The following ZCCHC7 variants were observed in gnomAD, a reference collection of about 807,000 sequenced individuals.
ZCCHC7 encodes the protein zinc finger CCHC-type containing 7, also known as zinc finger CCHC domain-containing protein 7.
Under a neutral mutation model 52.0 loss-of-function variants are expected in ZCCHC7, and 35 were observed. The ratio of observed to expected loss-of-function variants is 0.67; its 90% confidence interval spans 0.51 to 0.89. The LOEUF (loss-of-function observed/expected upper bound fraction) is 0.89. Among genes scored for constraint, ZCCHC7 ranks in the 40% least tolerant of loss-of-function variants. The pLI is 0.00. For missense variants in ZCCHC7, 574 were observed against 649.1 expected, an observed-to-expected ratio of 0.88 and a Z score of 1.26; for synonymous variants, 217 against 221.5, an observed-to-expected ratio of 0.98 and a Z score of 0.18.
At chr9:37,184,847 T>C (rs1167981462) in intron 2 of ZCCHC7, among the ~76,000 whole-genome samples, 1 of 152,154 alleles carries the variant, frequency 6.6e-6, no homozygotes, top group Admixed American at 6.6e-5. Context: ...TGAAAGGCAT[T>C]GTTTTTACGT....
chr9:37,322,964 G>A (rs759778951), intron 5 of ZCCHC7, among the ~76,000 whole-genome samples: 1 of 152,176 alleles, frequency 6.6e-6, no homozygotes, highest in Non-Finnish European at 1.5e-5. Context: ...AGTTAATACA[G>A]TGGAGCACTT....
chr9:37,311,254 C>T (rs78052087), intron 5 of ZCCHC7, among the ~76,000 whole-genome samples: 7,693 of 152,078 alleles, frequency 0.051, 637 homozygotes, highest in African/African-American at 0.17. Flanking sequence ...AATCAAAACC[C>T]AAACCTCCTA....
chr9:37,157,344 T>A (rs1820870377), intron 2 of ZCCHC7, among the ~76,000 whole-genome samples: 1 of 151,516 alleles, frequency 6.6e-6, no homozygotes, highest in Admixed American at 6.6e-5. Flanking sequence ...AAAAAGAAAA[T>A]TATCCAGGTG....
intron 2 of ZCCHC7, among the ~76,000 whole-genome samples, chr9:37,178,487 AAG>A (rs963004278): frequency 7.2e-5 from 11 of 152,010 alleles, no homozygotes; most frequent in African/African-American, 2.4e-4. Context: ...AGAAAGTAGA[AAG>A]AGAGGAAAGG....
intron 2 of ZCCHC7, among the ~76,000 whole-genome samples, chr9:37,167,015 A>C (rs556672525): frequency 1.8e-4 from 28 of 152,322 alleles, no homozygotes; most frequent in African/African-American, 6.5e-4. Flanking sequence ...TTTAAAGGTC[A>C]GATTTTGGAA....
chr9:37,179,661 C>T (rs971924734), intron 2 of ZCCHC7, among the ~76,000 whole-genome samples: 1 of 151,980 alleles, frequency 6.6e-6, no homozygotes, highest in African/African-American at 2.4e-5. Flanking sequence ...TGATGGCTGT[C>T]GAGTATAAAC....
At chr9:37,136,469 G>T (rs2132742802) in intron 2 of ZCCHC7, among the ~76,000 whole-genome samples, 2 of 150,878 alleles carry the variant, frequency 1.3e-5, no homozygotes, top group Admixed American at 6.6e-5. Context: ...TGCCCCACCT[G>T]CAATCTCTCT....
In ZCCHC7 at chr9:37,357,316, T is replaced by G; in HGVS notation, c.*48T>G. ...GGCTTTTCATTGTTCATTTGGCCTT[T>G]GTGTCTATAACCTTCTGGCACTGTG... On this transcript the variant is annotated 3_prime_UTR_variant, in exon 9 of 9. Transcript: ENST00000336755. 6.6e-7 allele frequency: 1 copy of G among 1,516,454 alleles called. No homozygotes were observed. The highest frequency in any genetic ancestry group is 1.4e-5 in the African/African-American group (1 of 71,652). 93.9% of individuals were successfully genotyped at this position (1,516,454 alleles called of 1,614,324 possible).
chr9:37,337,992 A>G (rs1421589020), intron 6 of ZCCHC7, among the ~76,000 whole-genome samples: 1 of 152,198 alleles, frequency 6.6e-6, no homozygotes, highest in African/African-American at 2.4e-5. Context: ...ACATTTTTGC[A>G]TTCCATGTAA....
chr9:37,356,251 C>T (rs1011877887), intron 8 of ZCCHC7, among the ~76,000 whole-genome samples: 1 of 151,724 alleles, frequency 6.6e-6, no homozygotes, highest in African/African-American at 2.4e-5. Flanking sequence ...CCGTATTAAG[C>T]GTGTCAAGCT....
intron 2 of ZCCHC7, among the ~76,000 whole-genome samples, chr9:37,289,805 C>T (rs933508707): frequency 1.7e-4 from 26 of 152,214 alleles, no homozygotes; most frequent in African/African-American, 6.3e-4. Context: ...TCATTTTCTG[C>T]ACTCTAGCCA....
At chr9:37,296,402 CT>C (rs989264162) in intron 2 of ZCCHC7, among the ~76,000 whole-genome samples, 6 of 152,058 alleles carry the variant, frequency 3.9e-5, no homozygotes, top group Admixed American at 2.6e-4. Flanking sequence ...TATTTACAAC[CT>C]TTTCTACTTT....
intron 5 of ZCCHC7, among the ~76,000 whole-genome samples, chr9:37,306,071 A>G (rs1283324458): frequency 1.3e-5 from 2 of 151,906 alleles, no homozygotes; most frequent in East Asian, 1.9e-4. Context: ...TTATTTATTT[A>G]TTTATTTATT....
At chr9:37,185,379 GC>G (rs1458034734) in intron 2 of ZCCHC7, among the ~76,000 whole-genome samples, 1 of 152,170 alleles carries the variant, frequency 6.6e-6, no homozygotes, top group Non-Finnish European at 1.5e-5. Flanking sequence ...ACAATTTAGA[GC>G]CTTTAAATAA....
chr9:37,213,809 G>T (rs1298917462), intron 2 of ZCCHC7, among the ~76,000 whole-genome samples: 1 of 151,938 alleles, frequency 6.6e-6, no homozygotes, highest in Non-Finnish European at 1.5e-5. Flanking sequence ...TTATTATCTT[G>T]CACATTGTTT....
At chr9:37,274,125 T>C (rs1286354340) in intron 2 of ZCCHC7, among the ~76,000 whole-genome samples, 1 of 152,180 alleles carries the variant, frequency 6.6e-6, no homozygotes, top group Non-Finnish European at 1.5e-5. Flanking sequence ...TGTGTAGCCT[T>C]TATCCAGTCA....
intron 2 of ZCCHC7, among the ~76,000 whole-genome samples, chr9:37,215,308 A>G (rs1824445380): frequency 6.6e-6 from 1 of 152,176 alleles, no homozygotes; most frequent in African/African-American, 2.4e-5. Context: ...CACATTTTTA[A>G]TTTTCAGAAC....
chr9:37,318,135 C>T (rs1286449013), intron 5 of ZCCHC7, among the ~76,000 whole-genome samples: 2 of 151,730 alleles, frequency 1.3e-5, no homozygotes, highest in African/African-American at 2.4e-5. Context: ...ATACTAGATG[C>T]AACCCAAATA....
rs146857018 is a variant in ZCCHC7, at chr9:37,260,659, T to C, written c.611-41529T>C. Among the ~76,000 whole-genome samples the C allele has an allele frequency of 1.0e-3, 159 of 152,344 alleles. 5 individuals carry two copies. The East Asian group carries it at 0.024, about 23-fold the overall frequency. ...TTCAGGACTTCCCTAAGATGAACTATTTGACCTTAATGGGACCTATATAGT... is the reference window on the plus strand; with the variant it reads ...TTCAGGACTTCCCTAAGATGAACTACTTGACCTTAATGGGACCTATATAGT... On this transcript the variant is annotated intron_variant, in intron 2 of 8. Transcript: ENST00000336755.
Sources: allele counts gnomAD v4.1 joint callset (sites outside exome capture counted in the v4.1 genomes callset), GRCh38; gene constraint gnomAD v4.1.1; transcripts MANE v1.5; gene names NCBI Gene and HGNC (gene_info 2026-07-23, HGNC 2026-07-21).